TAPT1: variants seen among roughly 807,000 people sequenced by gnomAD.
TAPT1 encodes the protein transmembrane anterior posterior transformation protein 1 homolog.
In TAPT1, 28 loss-of-function variants were observed where a neutral mutation model predicts 65.6. That is an observed-to-expected ratio of 0.43 (90% CI 0.32 to 0.59). The LOEUF is 0.59. Among genes scored for constraint, TAPT1 ranks in the 20% least tolerant of loss-of-function variants. TAPT1 has a pLI of 0.09. For missense variants in TAPT1, 563 were observed against 679.9 expected, an observed-to-expected ratio of 0.83 and a Z score of 1.91; for synonymous variants, 278 against 245.2, an observed-to-expected ratio of 1.13 and a Z score of -1.25.
chr4:16,187,437 T>C (rs901565396), intron 5 of TAPT1, among the ~76,000 whole-genome samples: 2 of 152,348 alleles, frequency 1.3e-5, no homozygotes, highest in Non-Finnish European at 2.9e-5. Flanking sequence ...TGCAGAATTA[T>C]ATTTGTATTA....
intron 11 of TAPT1, among the ~76,000 whole-genome samples, chr4:16,172,364 A>G (rs1022903746): frequency 1.3e-5 from 2 of 152,134 alleles, no homozygotes; most frequent in Non-Finnish European, 2.9e-5. Flanking sequence ...TACAAAAAAA[A>G]AAAAATTCAG....
chr4:16,174,351 G>T, intron 10 of TAPT1, 79 bp from the exon 11 acceptor site: 1 of 1,265,206 alleles, frequency 7.9e-7, no homozygotes, highest in Non-Finnish European at 1.1e-6. Flanking sequence ...CTTATTACCA[G>T]CAAATGTTCT....
intron 3 of TAPT1, among the ~76,000 whole-genome samples, chr4:16,194,139 T>C (rs1379824539): frequency 2.6e-5 from 4 of 152,218 alleles, no homozygotes; most frequent in Admixed American, 2.6e-4. Context: ...AGTTAGAAAT[T>C]AGATCTACCA....
intron 13 of TAPT1, 96 bp downstream of exon 13, chr4:16,166,537 G>C: frequency 6.8e-7 from 1 of 1,479,234 alleles, no homozygotes; most frequent in Non-Finnish European, 9.3e-7. Flanking sequence ...CTATGCAAAG[G>C]GAAACCAATC....
At chr4:16,209,248 A>G (rs1163233413) in intron 2 of TAPT1, among the ~76,000 whole-genome samples, 2 of 152,050 alleles carry the variant, frequency 1.3e-5, no homozygotes, top group African/African-American at 4.8e-5. Flanking sequence ...GTCTAGGCAC[A>G]CTTCCCCTTC....
rs1282345257 is a variant in TAPT1, at chr4:16,186,829, A to C, written c.798T>G (p.Ala266=). 1 of 1,612,234 alleles carries C rather than the reference A, an allele frequency of 6.2e-7. No individual in the cohort carries two copies. The highest frequency in any genetic ancestry group is 1.3e-5 in the African/African-American group (1 of 74,902). Residue 266 remains alanine (A), a synonymous_variant, in exon 6 of 14, where the codon GCT becomes GCG. Transcript: ENST00000405303. ...IMVQATTLNV[A]FNSHNKSLLT... is the part of the protein sequence containing the mutation. ...GCAAAGACTTGTTGTGTGAGTTAAA[A>C]GCTACATTGAGAGTTGTTGCTTGAA... is the stretch of plus-strand genomic sequence containing the variant.
chr4:16,207,976 A>G (rs1043301293), intron 2 of TAPT1, among the ~76,000 whole-genome samples: 1 of 152,238 alleles, frequency 6.6e-6, no homozygotes, highest in Admixed American at 6.5e-5. Context: ...AGTCAACAGA[A>G]TATTTTCATT....
chr4:16,171,865 C>T (rs1165424334), intron 11 of TAPT1, among the ~76,000 whole-genome samples: 2 of 152,174 alleles, frequency 1.3e-5, no homozygotes, highest in Non-Finnish European at 2.9e-5. Flanking sequence ...GTCTAATTTC[C>T]ATGAGACTTT....
intron 3 of TAPT1, among the ~76,000 whole-genome samples, chr4:16,200,306 G>A (rs1338113512): frequency 6.6e-6 from 1 of 152,104 alleles, no homozygotes; most frequent in Non-Finnish European, 1.5e-5. Flanking sequence ...GATGTGAAAA[G>A]CCCTACATAG....
intron 11 of TAPT1, among the ~76,000 whole-genome samples, chr4:16,173,130 A>C (rs562702155): frequency 6.6e-6 from 1 of 152,136 alleles, no homozygotes; most frequent in East Asian, 1.9e-4. Flanking sequence ...AGCTGGTTGC[A>C]TCTGTTTTGA....
intron 7 of TAPT1, among the ~76,000 whole-genome samples, chr4:16,182,353 T>A (rs1332768721): frequency 2.0e-5 from 3 of 152,212 alleles, no homozygotes; most frequent in African/African-American, 7.2e-5. Flanking sequence ...GGGTTCGGAT[T>A]AGAACTGAAC....
intron 4 of TAPT1, among the ~76,000 whole-genome samples, chr4:16,189,716 A>G (rs1330587188): frequency 6.6e-6 from 1 of 152,208 alleles, no homozygotes; most frequent in African/African-American, 2.4e-5. Context: ...CACCTCATCA[A>G]TTATAGTCTG....
chr4:16,214,138 G>C (rs1750798114), intron 1 of TAPT1, among the ~76,000 whole-genome samples: 1 of 152,174 alleles, frequency 6.6e-6, no homozygotes, highest in South Asian at 2.1e-4. Context: ...TTAAGGGCTA[G>C]AATAGTCAGA....
At chr4:16,170,808 A>G in intron 11 of TAPT1, 79 bp from the exon 12 acceptor site, 1 of 1,076,596 alleles carries the variant, frequency 9.3e-7, no homozygotes, top group Non-Finnish European at 1.4e-6. Flanking sequence ...ATACTTAAAA[A>G]GATTTCTCCA....
At chr4:16,185,565 T>C (rs1028955331) in intron 7 of TAPT1, among the ~76,000 whole-genome samples, 8 of 152,032 alleles carry the variant, frequency 5.3e-5, no homozygotes, top group African/African-American at 1.2e-4. Flanking sequence ...GACGGGGTTT[T>C]ACCATGTTGG....
Position 16,176,241 on chromosome 4 carries a change from A to G in TAPT1, c.998-13T>C, listed in dbSNP as rs766656266. Reference sequence around the variant, plus strand: ...ACCCAGAGATGATCTGTAAATAGAAAAAAGAAAAACAACGAAATATCTTAA... The same window carrying G: ...ACCCAGAGATGATCTGTAAATAGAAGAAAGAAAAACAACGAAATATCTTAA... On this transcript the variant is annotated splice_polypyrimidine_tract_variant and intron_variant, in intron 8 of 13. Transcript: ENST00000405303. 2.1e-6 allele frequency: 3 copies of G among 1,419,662 alleles called. No individual in the cohort carries two copies. The South Asian group carries it at 3.9e-5, about 19-fold the overall frequency. 87.9% of individuals were successfully genotyped at this position (1,419,662 alleles called of 1,614,324 possible). A position where few individuals can be genotyped will look rare whatever the true frequency, so the allele number is the denominator to read the frequency against.
Position 16,226,247 on chromosome 4 carries a change from C to T in TAPT1, c.199+12G>A. ...CTCGGAGCCCGCCACGGCCTAGCGCCGCCCGCCTCACCTGTGCGGCCCCGG... is the reference window on the plus strand; with the variant it reads ...CTCGGAGCCCGCCACGGCCTAGCGCTGCCCGCCTCACCTGTGCGGCCCCGG... On this transcript the variant is annotated intron_variant, in intron 1 of 13. Transcript: ENST00000405303. 3 of 1,117,196 alleles carry T rather than the reference C, an allele frequency of 2.7e-6. No homozygotes were observed. Among genetic ancestry groups the T allele is most frequent in the Non-Finnish European group, 3.3e-6 (3 of 915,192 alleles). The allele number at this position is 1,117,196 out of a possible 1,614,324, so 69.2% of individuals were successfully genotyped here. A position where few individuals can be genotyped will look rare whatever the true frequency, so the allele number is the denominator to read the frequency against.
At position 16,186,792 on chromosome 4, in the gene TAPT1, T is replaced by A; in HGVS notation, c.835A>T (p.Met279Leu). The A allele has an allele frequency of 1.3e-6, 2 of 1,599,382 alleles. No individual in the cohort carries two copies. The highest frequency in any genetic ancestry group is 2.2e-5 in the East Asian group (1 of 44,690). ...SHNKSLLTIM[M>L]SNNFVEIKGS... ...AATCTCATACTTACATTATTAGACA[T>A]CATGATAGTAAGCAAAGACTTGTTG... The change falls in exon 6 of 14, where the codon ATG becomes TTG. Residue 279 changes from methionine (M) to leucine (L), a missense_variant. This residue lies in a region of TAPT1 where 217 missense variants were observed against 317.5 expected (regional missense o/e 0.68). Coordinates refer to ENST00000405303, the MANE Select transcript of TAPT1 (RefSeq NM_153365.3).
intron 3 of TAPT1, among the ~76,000 whole-genome samples, chr4:16,201,347 G>A (rs1482937800): frequency 1.3e-5 from 2 of 151,976 alleles, no homozygotes; most frequent in African/African-American, 4.8e-5. Flanking sequence ...TAACTCAACT[G>A]CTATGGTTAA....
Sources: allele counts gnomAD v4.1 joint callset (sites outside exome capture counted in the v4.1 genomes callset), GRCh38; gene constraint gnomAD v4.1.1; regional missense constraint gnomAD v4.1.1; transcripts MANE v1.5; gene names NCBI Gene and HGNC (gene_info 2026-07-23, HGNC 2026-07-21).